Variants in NXPE4 observed in about 807,000 individuals in gnomAD.
NXPE4 encodes neurexophilin and PC-esterase domain family member 4.
NXPE4 carries 42 observed loss-of-function variants against 33.3 expected under a neutral mutation model. The ratio of observed to expected loss-of-function variants is 1.26; its 90% CI spans 0.98 to 1.63. NXPE4 has a LOEUF of 1.63. Among genes scored for constraint, NXPE4 ranks in the 40% most tolerant of loss-of-function variants. The probability of loss-of-function intolerance (pLI) is 0.00; values close to 1 mark genes in which losing one functional copy is unlikely to be tolerated. For missense variants in NXPE4, 709 were observed against 647.6 expected, an observed-to-expected ratio of 1.09 and a Z score of -1.03; for synonymous variants, 253 against 234.9, an observed-to-expected ratio of 1.08 and a Z score of -0.71.
At chr11:114,631,127 G>A in the NXPE4 span, among the ~76,000 whole-genome samples, 1 of 151,966 alleles carries the variant, frequency 6.6e-6, no homozygotes. Flanking sequence ...GATTCTCAGG[G>A]ATCTAGAACT....
the NXPE4 span, among the ~76,000 whole-genome samples, chr11:114,625,917 C>T: frequency 1.5e-4 from 23 of 152,230 alleles, no homozygotes; most frequent in African/African-American, 4.6e-4. Context: ...GGGTGACAGA[C>T]GGCACCTGGA....
the NXPE4 span, among the ~76,000 whole-genome samples, chr11:114,644,404 CTCT>C: frequency 5.9e-5 from 9 of 152,180 alleles, no homozygotes; most frequent in Non-Finnish European, 1.3e-4. Flanking sequence ...TCATAAATTG[CTCT>C]TATTATTTTG....
At chr11:114,650,447 A>T in the NXPE4 span, among the ~76,000 whole-genome samples, 1 of 152,164 alleles carries the variant, frequency 6.6e-6, no homozygotes, top group Non-Finnish European at 1.5e-5. Context: ...GGGTACTCCT[A>T]TTTGGTGCAG....
chr11:114,650,107 C>T, the NXPE4 span, among the ~76,000 whole-genome samples: 1 of 152,242 alleles, frequency 6.6e-6, no homozygotes, highest in Middle Eastern at 3.4e-3. Context: ...AAAAGTGTAA[C>T]TTTCTCAAAT....
At position 114,571,283 on chromosome 11, in the gene NXPE4, G is replaced by T. The variant is rs778259671; in HGVS notation, c.1290C>A (p.Val430=). 3 of 1,613,984 alleles carry T rather than the reference G, an allele frequency of 1.9e-6. No individual in the cohort carries two copies. The Admixed American group carries it at 5.0e-5, about 27-fold the overall frequency. The change falls in exon 6 of 6, where the codon GTC becomes GTA. Residue 430 remains valine, a synonymous_variant. Transcript: ENST00000375478. The part of the protein sequence containing the change: ...IDRTGGEKNT[V]IVISLGQHFR... ...AATGCTGGCCCAGGGAAATAACAAT[G>T]ACAGTATTTTTTTCTCCTCCAGTTC...
the NXPE4 span, among the ~76,000 whole-genome samples, chr11:114,676,048 T>C: frequency 6.6e-6 from 1 of 151,882 alleles, no homozygotes; most frequent in Non-Finnish European, 1.5e-5. Context: ...CATATCCACA[T>C]GTGGAAGAAT....
chr11:114,663,641 TATCCATCTATC>T, the NXPE4 span, among the ~76,000 whole-genome samples: 1,030 of 100,966 alleles, frequency 0.01, 15 homozygotes, highest in African/African-American at 0.032. Flanking sequence ...ATCTATCATC[TATCCATCTATC>T]ATCTATTTAT....
chr11:114,651,426 G>C, the NXPE4 span, among the ~76,000 whole-genome samples: 1 of 152,208 alleles, frequency 6.6e-6, no homozygotes, highest in Admixed American at 6.5e-5. Flanking sequence ...AACGTTTGCG[G>C]TGAGTGTTAC....
chr11:114,586,584 T>G (rs140929196), intron 2 of NXPE4, among the ~76,000 whole-genome samples: 1 of 152,024 alleles, frequency 6.6e-6, no homozygotes, highest in Admixed American at 6.5e-5. Flanking sequence ...AATGTTGGCT[T>G]TGTTTCTAAT....
At chr11:114,656,996 A>T in the NXPE4 span, among the ~76,000 whole-genome samples, 1 of 152,166 alleles carries the variant, frequency 6.6e-6, no homozygotes, top group African/African-American at 2.4e-5. Flanking sequence ...CTGGAGGCTG[A>T]GGCAGGAGAA....
At chr11:114,572,218 G>A (rs1437254215) in intron 5 of NXPE4, among the ~76,000 whole-genome samples, 1 of 152,118 alleles carries the variant, frequency 6.6e-6, no homozygotes, top group Non-Finnish European at 1.5e-5. Flanking sequence ...AATCTGAATA[G>A]CAGCCCTTGA....
the NXPE4 span, among the ~76,000 whole-genome samples, chr11:114,643,578 G>A: frequency 4.2e-4 from 64 of 152,012 alleles, 1 homozygote; most frequent in Non-Finnish European, 7.9e-4. Context: ...GATGTGTGGC[G>A]TTATTTCTGA....
chr11:114,673,981 A>G, the NXPE4 span, among the ~76,000 whole-genome samples: 2 of 151,858 alleles, frequency 1.3e-5, no homozygotes, highest in East Asian at 3.9e-4. Context: ...TCACAAGTAC[A>G]GGATAAAGAC....
chr11:114,676,197 G>A, the NXPE4 span, among the ~76,000 whole-genome samples: 1 of 151,802 alleles, frequency 6.6e-6, no homozygotes, highest in Non-Finnish European at 1.5e-5. Context: ...TATGGTCACT[G>A]AGGTTTTTTT....
At chr11:114,623,515 T>G in the NXPE4 span, among the ~76,000 whole-genome samples, 1 of 152,084 alleles carries the variant, frequency 6.6e-6, no homozygotes, top group Admixed American at 6.6e-5. Context: ...ATAATAAGTA[T>G]TCCCTCGTGG....
the NXPE4 span, among the ~76,000 whole-genome samples, chr11:114,613,307 C>T: frequency 6.6e-6 from 1 of 151,886 alleles, no homozygotes; most frequent in Non-Finnish European, 1.5e-5. Flanking sequence ...TAAGTACTGC[C>T]TCATGGGTAA....
the NXPE4 span, among the ~76,000 whole-genome samples, chr11:114,632,794 TTA>T: frequency 3.0e-3 from 1 of 330 alleles, no homozygotes. Context: ...TATTATATAA[TTA>T]TATATAATTA....
At chr11:114,614,933 C>T in the NXPE4 span, among the ~76,000 whole-genome samples, 1 of 151,714 alleles carries the variant, frequency 6.6e-6, no homozygotes, top group Non-Finnish European at 1.5e-5. Flanking sequence ...ATGAGTATTG[C>T]CTCTTGGGTT....
At chr11:114,583,127 T>C in intron 2 of NXPE4, 106 bp from the exon 3 acceptor site, 1 of 1,238,538 alleles carries the variant, frequency 8.1e-7, no homozygotes, top group Non-Finnish European at 1.1e-6. Flanking sequence ...TCCTAGTCAT[T>C]TTTACTTATT....
Sources: allele counts gnomAD v4.1 joint callset (sites outside exome capture counted in the v4.1 genomes callset), GRCh38; gene constraint gnomAD v4.1.1; transcripts MANE v1.5; gene names NCBI Gene and HGNC (gene_info 2026-07-23, HGNC 2026-07-21).